IL1RAP: variants seen among roughly 807,000 people sequenced by gnomAD.
IL1RAP encodes the protein interleukin 1 receptor accessory protein.
In IL1RAP, 35 loss-of-function variants were observed where a neutral mutation model predicts 60.7. That is an observed-to-expected ratio of 0.58 (90% CI 0.44 to 0.76). The LOEUF is 0.76. Ranked by LOEUF, IL1RAP falls within the 30% of genes least tolerant of loss-of-function variation. The pLI is 0.00. For synonymous variants in IL1RAP, 268 were observed against 250.9 expected, an observed-to-expected ratio of 1.07 and a Z score of -0.64; for missense variants, 572 against 693.9, an observed-to-expected ratio of 0.82 and a Z score of 1.97.
chr3:190,636,693 CTTATACT>C (rs2108837965), intron 9 of IL1RAP, among the ~76,000 whole-genome samples: 1 of 152,118 alleles, frequency 6.6e-6, no homozygotes, highest in East Asian at 1.9e-4. Flanking sequence ...TGCTTTTATA[CTTATACT>C]TTATACTTAA....
At chr3:190,618,061 G>A (rs903902529) in intron 5 of IL1RAP, among the ~76,000 whole-genome samples, 1 of 152,188 alleles carries the variant, frequency 6.6e-6, no homozygotes, top group Admixed American at 6.5e-5. Flanking sequence ...GCAGGAATTA[G>A]CCTGTTTTAA....
intron 3 of IL1RAP, among the ~76,000 whole-genome samples, chr3:190,582,888 A>C (rs187077190): frequency 1.6e-4 from 24 of 152,328 alleles, no homozygotes; most frequent in Middle Eastern, 6.8e-3. Context: ...TGCCCCTGGC[A>C]GTGAAGTTTT....
Position 190,616,080 on chromosome 3 carries a change from A to G in IL1RAP, c.538-4195A>G, listed in dbSNP as rs532305350. Among the ~76,000 whole-genome samples the G allele has an allele frequency of 1.4e-4, 21 of 152,230 alleles. No homozygotes were observed. In the South Asian group the frequency reaches 2.7e-3, roughly 20 times the overall value. ...GTACATATATGCATATACAGATAACATTTGACGTAAGGTTTAGGGCCTCTG... is the reference window on the plus strand; with the variant it reads ...GTACATATATGCATATACAGATAACGTTTGACGTAAGGTTTAGGGCCTCTG... On this transcript the variant is annotated intron_variant, in intron 5 of 11. Transcript: ENST00000447382.
At chr3:190,534,995 T>C (rs1396896904) in intron 1 of IL1RAP, among the ~76,000 whole-genome samples, 1 of 151,748 alleles carries the variant, frequency 6.6e-6, no homozygotes, top group African/African-American at 2.4e-5. Flanking sequence ...TTAAAATATG[T>C]CTCAGAGAGC....
rs143985524 is a variant in IL1RAP, at chr3:190,586,629, A to G, written c.65-17499A>G. On this transcript the variant is annotated intron_variant, in intron 3 of 11. Transcript: ENST00000447382. ...GTTCTGCTTAAGGTGATTTTCTACCAGCATGAAATGTTCTCCTTCCCAGAC... is the reference window on the plus strand; with the variant it reads ...GTTCTGCTTAAGGTGATTTTCTACCGGCATGAAATGTTCTCCTTCCCAGAC... 9.8e-5 allele frequency among the ~76,000 whole-genome samples: 15 copies of G among 152,354 alleles called. No homozygotes were observed. In the East Asian group the frequency reaches 2.9e-3, roughly 29 times the overall value.
chr3:190,518,128 T>G (rs1340546165), intron 1 of IL1RAP: 1 of 152,022 alleles, frequency 6.6e-6, no homozygotes. Context: ...CTGATAGGGT[T>G]GTTAGGAGAC....
chr3:190,606,621 G>A (rs895986848), intron 4 of IL1RAP, among the ~76,000 whole-genome samples: 1 of 152,172 alleles, frequency 6.6e-6, no homozygotes, highest in African/African-American at 2.4e-5. Flanking sequence ...AGAGCTGCAT[G>A]ACTATTAAGA....
intron 4 of IL1RAP, among the ~76,000 whole-genome samples, chr3:190,606,273 T>G (rs1310210885): frequency 6.6e-6 from 1 of 152,186 alleles, no homozygotes; most frequent in East Asian, 1.9e-4. Flanking sequence ...GGAAAGAGCA[T>G]TAGGAGAAGA....
chr3:190,547,762 C>T lies in IL1RAP; in HGVS notation c.-88-8368C>T, dbSNP rs377627392. Reference sequence around the variant, plus strand: ...GTTCTAATTTAACTCTTGACTTTAACTCTTCCTAATAAAACTAGTTGTGGA... The same window carrying T: ...GTTCTAATTTAACTCTTGACTTTAATTCTTCCTAATAAAACTAGTTGTGGA... On this transcript the variant is annotated intron_variant, in intron 1 of 11. Coordinates refer to ENST00000447382, the MANE Select transcript of IL1RAP (RefSeq NM_002182.4). Among the ~76,000 whole-genome samples, 13 of 152,314 alleles carry T rather than the reference C, an allele frequency of 8.5e-5. No individual in the cohort carries two copies. The East Asian group carries it at 1.9e-3, about 23-fold the overall frequency.
In IL1RAP at chr3:190,627,986, A is replaced by G. The variant is rs559537693; in HGVS notation, c.902+537A>G. Reference sequence around the variant, plus strand: ...TCCTCTTTCTTATCTCATATAACCTATAGTTACATTTATAATTAGTAATTT... The same window carrying G: ...TCCTCTTTCTTATCTCATATAACCTGTAGTTACATTTATAATTAGTAATTT... On this transcript the variant is annotated intron_variant, in intron 8 of 11. Coordinates refer to ENST00000447382, the MANE Select transcript of IL1RAP (RefSeq NM_002182.4). 7.0e-4 allele frequency among the ~76,000 whole-genome samples: 106 copies of G among 152,104 alleles called. 1 individual carries two copies. Among genetic ancestry groups the G allele is most frequent in the African/African-American group, 2.5e-3 (103 of 41,474 alleles).
At chr3:190,571,247 C>A (rs1248077109) in intron 3 of IL1RAP, among the ~76,000 whole-genome samples, 1 of 152,034 alleles carries the variant, frequency 6.6e-6, no homozygotes, top group African/African-American at 2.4e-5. Context: ...CACACTGGCT[C>A]ATGCCTATAA....
intron 1 of IL1RAP, among the ~76,000 whole-genome samples, chr3:190,532,709 C>T (rs1053135413): frequency 3.3e-5 from 5 of 152,154 alleles, no homozygotes; most frequent in Non-Finnish European, 7.3e-5. Flanking sequence ...TGTGCTGAGG[C>T]GTGCCGTGCA....
intron 10 of IL1RAP, 26 bp from the exon 11 acceptor site, chr3:190,645,673 C>T (rs777573942): frequency 1.3e-6 from 2 of 1,562,464 alleles, no homozygotes; most frequent in Non-Finnish European, 1.7e-6. Flanking sequence ...TCCTAATTTA[C>T]ATTGTATCTG....
downstream of IL1RAP, among the ~76,000 whole-genome samples, chr3:190,652,176 A>T (rs1238133884): frequency 6.6e-6 from 1 of 152,108 alleles, no homozygotes; most frequent in Non-Finnish European, 1.5e-5. Context: ...TAAAAAAAAA[A>T]ATCCCTGGCC....
intron 5 of IL1RAP, among the ~76,000 whole-genome samples, chr3:190,619,003 A>G (rs999156793): frequency 3.9e-5 from 6 of 152,250 alleles, no homozygotes; most frequent in Non-Finnish European, 8.8e-5. Flanking sequence ...CAAACATTAA[A>G]GATGAAATAT....
chr3:190,526,006 G>C (rs544420859), intron 1 of IL1RAP, among the ~76,000 whole-genome samples: 1 of 151,748 alleles, frequency 6.6e-6, no homozygotes, highest in African/African-American at 2.4e-5. Context: ...TTCCATACAA[G>C]ATCAATTTCT....
intron 3 of IL1RAP, among the ~76,000 whole-genome samples, chr3:190,567,135 G>A (rs542366210): frequency 3.9e-5 from 6 of 152,240 alleles, no homozygotes; most frequent in East Asian, 3.9e-4. Flanking sequence ...GTTTTCACAC[G>A]CAGTGAACTG....
At chr3:190,532,265 T>C (rs972279797) in intron 1 of IL1RAP, among the ~76,000 whole-genome samples, 59 of 149,024 alleles carry the variant, frequency 4.0e-4, no homozygotes, top group Middle Eastern at 3.2e-3. Flanking sequence ...ATCTTTCTTT[T>C]TTTTTTTTTT....
At chr3:190,579,270 T>G (rs1727777668) in intron 3 of IL1RAP, among the ~76,000 whole-genome samples, 2 of 152,232 alleles carry the variant, frequency 1.3e-5, no homozygotes, top group South Asian at 2.1e-4. Flanking sequence ...ATATGTTGTA[T>G]TGGGCTTACA....
Sources: allele counts gnomAD v4.1 joint callset (sites outside exome capture counted in the v4.1 genomes callset), GRCh38; gene constraint gnomAD v4.1.1; transcripts MANE v1.5; gene names NCBI Gene and HGNC (gene_info 2026-07-23, HGNC 2026-07-21).